Variants in PRUNE2 observed in about 807,000 individuals in gnomAD.
PRUNE2 encodes prune homolog 2 with BCH domain.
A neutral mutation model predicts 252.0 loss-of-function variants in PRUNE2; 164 were observed. The observed-to-expected ratio is 0.65, with a 90% CI of 0.57 to 0.74. The LOEUF (loss-of-function observed/expected upper bound fraction) is 0.74, where lower values mean the gene tolerates loss of function less well. Among genes scored for constraint, PRUNE2 ranks in the 30% least tolerant of loss-of-function variants. PRUNE2 has a pLI of 0.00. For synonymous variants in PRUNE2, 1,292 were observed against 1,350.2 expected, an observed-to-expected ratio of 0.96 and a Z score of 0.94; for missense variants, 3,495 against 3,711.0, an observed-to-expected ratio of 0.94 and a Z score of 1.51.
Position 76,709,707 on chromosome 9 carries a change from A to C in PRUNE2, c.2567T>G (p.Ile856Arg). 6.2e-7 allele frequency: 1 copy of C among 1,613,938 alleles called. No homozygotes were observed. Among genetic ancestry groups the C allele is most frequent in the Non-Finnish European group, 8.5e-7 (1 of 1,179,882 alleles). ...GATTTCTGGAGCTGCTTCATTGTTT[A>C]TCTCACTGGGTGAATTGTCCAGTAG... ...SELLDNSPSE[I>R]NNEAAPEIWG... is the part of the protein sequence containing the mutation. Residue 856 changes from isoleucine (I) to arginine (R), a missense_variant, in exon 8 of 19, where the codon ATA (isoleucine) becomes AGA (arginine). Physicochemically the swap from Ile to Arg is moderately conservative, Grantham distance 97. Transcript: ENST00000376718.
chr9:76,692,210 A>C, intron 9 of PRUNE2: 1 of 715,802 alleles, frequency 1.4e-6, no homozygotes, highest in Non-Finnish European at 2.6e-6. Flanking sequence ...TCTCTGGCAC[A>C]TCTAAATAAG....
At chr9:76,837,144 T>TA (rs34876471) in intron 4 of PRUNE2, among the ~76,000 whole-genome samples, 1 of 151,778 alleles carries the variant, frequency 6.6e-6, no homozygotes, top group Non-Finnish European at 1.5e-5. Context: ...TAAAGCTGAT[T>TA]AAAAAAATGA....
At chr9:76,796,953 C>T (rs1321076036) in intron 6 of PRUNE2, among the ~76,000 whole-genome samples, 2 of 152,146 alleles carry the variant, frequency 1.3e-5, no homozygotes, top group East Asian at 1.9e-4. Context: ...AATCTAGACG[C>T]TGTTGGCTCT....
chr9:76,688,369 GCT>G (rs1348213926), intron 9 of PRUNE2, among the ~76,000 whole-genome samples: 1 of 152,170 alleles, frequency 6.6e-6, no homozygotes, highest in East Asian at 1.9e-4. Context: ...GCCCAAGTCG[GCT>G]CTGTCTTGTT....
intron 1 of PRUNE2, among the ~76,000 whole-genome samples, chr9:76,883,540 C>G (rs2061915343): frequency 6.6e-6 from 1 of 152,166 alleles, no homozygotes; most frequent in African/African-American, 2.4e-5. Flanking sequence ...ATTCAGGAAG[C>G]ACAAAATTCT....
chr9:76,893,160 G>A (rs1262787217), intron 1 of PRUNE2, among the ~76,000 whole-genome samples: 4 of 152,178 alleles, frequency 2.6e-5, no homozygotes, highest in Admixed American at 6.5e-5. Flanking sequence ...TGGGAGCATC[G>A]CTTGAGCCTA....
Position 76,706,668 on chromosome 9 carries a change from C to T in PRUNE2, c.5606G>A (p.Gly1869Glu). The change falls in exon 8 of 19, where the codon GGA (glycine) becomes GAA (glutamate). Residue 1869 changes from glycine to glutamate, a missense_variant. Coordinates refer to ENST00000376718, the MANE Select transcript of PRUNE2 (RefSeq NM_015225.3). ...SSVHQNASPW[G>E]VPVQGDIEPV... is the part of the protein sequence containing the mutation. ...CTCAATATCACCCTGAACTGGTACT[C>T]CCCAGGGACTGGCATTTTGGTGTAC... The T allele has an allele frequency of 1.9e-6, 3 of 1,613,734 alleles. No homozygotes were observed. Among genetic ancestry groups the T allele is most frequent in the Non-Finnish European group, 2.5e-6 (3 of 1,179,776 alleles).
chr9:76,896,102 T>C (rs2062805523), intron 1 of PRUNE2, among the ~76,000 whole-genome samples: 1 of 145,232 alleles, frequency 6.9e-6, no homozygotes, highest in African/African-American at 2.7e-5. Flanking sequence ...AGGTCCTGTT[T>C]GATTTTGGTT....
rs749618740 is a variant in PRUNE2 at position 76,707,995 on chromosome 9, T to C, written c.4279A>G (p.Lys1427Glu). Residue 1427 changes from lysine (K) to glutamate (E), a missense_variant, in exon 8 of 19, where the codon AAA becomes GAA. Lys to Glu is a moderately conservative substitution (Grantham distance 56, BLOSUM62 1). Coordinates refer to ENST00000376718, the MANE Select transcript of PRUNE2 (RefSeq NM_015225.3). ...ATGAGGTGTTTTTCATGGGTATCTT[T>C]TGGCTGCAGGTTATCTGCGGACATC... ...TGMSADNLQP[K>E]DTHEKHLMSQ... The C allele has an allele frequency of 6.2e-7, 1 of 1,614,032 alleles. No individual in the cohort carries two copies. The highest frequency in any genetic ancestry group is 1.1e-5 in the South Asian group (1 of 91,080).
intron 6 of PRUNE2, among the ~76,000 whole-genome samples, chr9:76,730,093 T>A (rs778478557): frequency 6.6e-6 from 1 of 152,276 alleles, no homozygotes; most frequent in African/African-American, 2.4e-5. Flanking sequence ...TATATTAACA[T>A]GTACAATTGA....
intron 9 of PRUNE2, among the ~76,000 whole-genome samples, chr9:76,664,277 C>T (rs1261332549): frequency 1.3e-5 from 2 of 152,138 alleles, no homozygotes; most frequent in African/African-American, 2.4e-5. Flanking sequence ...GTGGAGAGTC[C>T]ATGTGGCAAG....
intron 1 of PRUNE2, among the ~76,000 whole-genome samples, chr9:76,887,371 G>A (rs116536069): frequency 0.018 from 2,746 of 152,142 alleles, 72 homozygotes; most frequent in African/African-American, 0.061. Flanking sequence ...CATTGATATG[G>A]CCATCAACAG....
intron 9 of PRUNE2, among the ~76,000 whole-genome samples, chr9:76,664,380 C>A (rs763524575): frequency 3.3e-5 from 5 of 152,196 alleles, no homozygotes; most frequent in Non-Finnish European, 5.9e-5. Context: ...ATCCTGCAGC[C>A]TGGCTAATGT....
intron 6 of PRUNE2, among the ~76,000 whole-genome samples, chr9:76,812,873 T>C (rs2057449819): frequency 6.6e-6 from 1 of 152,200 alleles, no homozygotes. Context: ...TTTCAGGCAA[T>C]TTGCAAACCC....
chr9:76,894,106 C>A (rs2062662450), intron 1 of PRUNE2, among the ~76,000 whole-genome samples: 1 of 152,194 alleles, frequency 6.6e-6, no homozygotes, highest in Non-Finnish European at 1.5e-5. Flanking sequence ...AAAACGAGTT[C>A]TCTCAATGAT....
intron 6 of PRUNE2, among the ~76,000 whole-genome samples, chr9:76,773,644 A>G (rs1363722347): frequency 6.6e-6 from 1 of 152,054 alleles, no homozygotes; most frequent in African/African-American, 2.4e-5. Flanking sequence ...GGGTTTTGCC[A>G]TGTTGGCCAG....
intron 6 of PRUNE2, among the ~76,000 whole-genome samples, chr9:76,723,046 C>A (rs17181081): frequency 0.011 from 1,725 of 152,348 alleles, 33 homozygotes; most frequent in East Asian, 0.084. Flanking sequence ...CTGCTTACGT[C>A]TTTTGAAGAT....
intron 18 of PRUNE2, among the ~76,000 whole-genome samples, chr9:76,617,239 G>A (rs979828294): frequency 2.6e-5 from 4 of 152,146 alleles, no homozygotes; most frequent in Admixed American, 2.6e-4. Flanking sequence ...AGAAGAAAAT[G>A]GGCATAACCT....
chr9:76,660,846 C>T (rs891733342), intron 9 of PRUNE2, among the ~76,000 whole-genome samples: 14 of 148,256 alleles, frequency 9.4e-5, no homozygotes, highest in African/African-American at 3.0e-4. Flanking sequence ...GTAGTGCTTA[C>T]TTCTACAAGC....
Sources: gnomAD v4.1 joint callset for allele counts (sites outside exome capture counted in the v4.1 genomes callset) on GRCh38, gnomAD v4.1.1 for gene constraint, MANE v1.5 for transcripts, NCBI Gene and HGNC (gene_info 2026-07-23, HGNC 2026-07-21) for gene names.